Variants in GALNT13 observed in about 807,000 individuals in gnomAD.
GALNT13 encodes the protein polypeptide N-acetylgalactosaminyltransferase 13.
In GALNT13, 28 loss-of-function variants were observed where a neutral mutation model predicts 64.2. That is an observed-to-expected ratio of 0.44 (90% CI 0.32 to 0.60). The LOEUF (loss-of-function observed/expected upper bound fraction) is 0.60, where lower values mean the gene tolerates loss of function less well. Among genes scored for constraint, GALNT13 ranks in the 20% least tolerant of loss-of-function variants. GALNT13 has a pLI of 0.05. For synonymous variants in GALNT13, 214 were observed against 224.6 expected, an observed-to-expected ratio of 0.95 and a Z score of 0.42; for missense variants, 577 against 669.8, an observed-to-expected ratio of 0.86 and a Z score of 1.53.
chr2:153,232,821 A>G, the GALNT13 span, among the ~76,000 whole-genome samples: 1 of 152,204 alleles, frequency 6.6e-6, no homozygotes, highest in Non-Finnish European at 1.5e-5. Flanking sequence ...CAGTGGCTCC[A>G]GGAGACTCTT....
chr2:153,727,947 A>ATG, the GALNT13 span, among the ~76,000 whole-genome samples: 2 of 151,876 alleles, frequency 1.3e-5, no homozygotes, highest in East Asian at 3.9e-4. Flanking sequence ...CCCTGTGTCC[A>ATG]TGTGTTTGCA....
At chr2:153,282,251 T>C in the GALNT13 span, among the ~76,000 whole-genome samples, 103 of 152,326 alleles carry the variant, frequency 6.8e-4, no homozygotes, top group African/African-American at 2.0e-3. Flanking sequence ...CTTTTTAAGA[T>C]ATTTATCTCT....
the GALNT13 span, among the ~76,000 whole-genome samples, chr2:153,425,581 C>T: frequency 6.6e-6 from 1 of 151,826 alleles, no homozygotes; most frequent in Non-Finnish European, 1.5e-5. Flanking sequence ...CTATTTCCTT[C>T]CCTGCTACTC....
At chr2:153,183,330 T>C in the GALNT13 span, among the ~76,000 whole-genome samples, 17 of 152,234 alleles carry the variant, frequency 1.1e-4, no homozygotes, top group Middle Eastern at 3.4e-3. Context: ...GGGTTTTTTT[T>C]CTCATAAATT....
At chr2:153,633,422 A>G in the GALNT13 span, among the ~76,000 whole-genome samples, 6 of 152,306 alleles carry the variant, frequency 3.9e-5, no homozygotes, top group African/African-American at 1.4e-4. Flanking sequence ...TCACCATTGT[A>G]GATGATAATA....
At chr2:154,279,319 G>T (rs1418005808) in intron 8 of GALNT13, among the ~76,000 whole-genome samples, 2 of 152,088 alleles carry the variant, frequency 1.3e-5, no homozygotes, top group African/African-American at 2.4e-5. Flanking sequence ...CAAGGGCAAG[G>T]GTGAACTTCA....
At chr2:154,017,666 C>T (rs542121578) in intron 3 of GALNT13, among the ~76,000 whole-genome samples, 2 of 152,222 alleles carry the variant, frequency 1.3e-5, no homozygotes, top group African/African-American at 4.8e-5. Context: ...TAAAGTTATT[C>T]GTATCGCTCT....
chr2:153,907,378 T>C (rs1596635), intron 2 of GALNT13, among the ~76,000 whole-genome samples: 2 of 151,854 alleles, frequency 1.3e-5, no homozygotes, highest in African/African-American at 4.8e-5. Context: ...ACATACATAA[T>C]AATACATACA....
chr2:153,169,137 G>C, the GALNT13 span, among the ~76,000 whole-genome samples: 1 of 152,190 alleles, frequency 6.6e-6, no homozygotes. Flanking sequence ...CAAAGGTTCT[G>C]ATATGCACCA....
chr2:154,174,914 A>C (rs1685566787), intron 4 of GALNT13, among the ~76,000 whole-genome samples: 1 of 152,178 alleles, frequency 6.6e-6, no homozygotes. Context: ...TTGTCAACAT[A>C]ACTGTATTGC....
the GALNT13 span, among the ~76,000 whole-genome samples, chr2:153,476,786 A>G: frequency 6.6e-6 from 1 of 152,196 alleles, no homozygotes; most frequent in African/African-American, 2.4e-5. Context: ...TTTAGTAACA[A>G]TGGTTTACCC....
chr2:153,907,285 A>G (rs1274134668), intron 2 of GALNT13, among the ~76,000 whole-genome samples: 1 of 151,510 alleles, frequency 6.6e-6, no homozygotes. Context: ...TTGTGCCTAG[A>G]AGTTTAATGC....
At chr2:154,203,513 T>C (rs1687283710) in intron 4 of GALNT13, among the ~76,000 whole-genome samples, 1 of 152,136 alleles carries the variant, frequency 6.6e-6, no homozygotes, top group African/African-American at 2.4e-5. Context: ...TTTTTTTCAC[T>C]ATAAAACCTC....
the GALNT13 span, among the ~76,000 whole-genome samples, chr2:153,754,027 T>C: frequency 6.6e-6 from 1 of 152,212 alleles, no homozygotes; most frequent in Non-Finnish European, 1.5e-5. Flanking sequence ...ACCATCAATG[T>C]TTCCTTCAGG....
At chr2:153,685,347 T>C in the GALNT13 span, among the ~76,000 whole-genome samples, 5 of 152,072 alleles carry the variant, frequency 3.3e-5, no homozygotes, top group Non-Finnish European at 7.4e-5. Flanking sequence ...GACTTTTTAA[T>C]AATAACCATT....
the GALNT13 span, among the ~76,000 whole-genome samples, chr2:153,583,443 G>A: frequency 6.6e-6 from 1 of 152,170 alleles, no homozygotes; most frequent in African/African-American, 2.4e-5. Flanking sequence ...GAACATGGGA[G>A]ATCAACAGAA....
At chr2:154,422,959 A>G (rs1453332587) in intron 11 of GALNT13, among the ~76,000 whole-genome samples, 1 of 152,050 alleles carries the variant, frequency 6.6e-6, no homozygotes, top group Non-Finnish European at 1.5e-5. Context: ...CATGTGCACA[A>G]TGTGCAGGTT....
chr2:153,942,495 A>G lies in GALNT13; in HGVS notation c.-104-1899A>G, dbSNP rs116424546. ...ATATCTCAAATTTAGAAAAGAATGT[A>G]CACGGTAACAGGAAATAAATATGGG... On this transcript the variant is annotated intron_variant, in intron 2 of 12. Transcript: ENST00000392825. Among the ~76,000 whole-genome samples the G allele has an allele frequency of 5.4e-3, 819 of 152,282 alleles. 5 individuals carry two copies. The highest frequency in any genetic ancestry group is 0.018 in the African/African-American group (752 of 41,568).
At chr2:154,165,747 T>G (rs1317122558) in intron 4 of GALNT13, among the ~76,000 whole-genome samples, 1 of 152,160 alleles carries the variant, frequency 6.6e-6, no homozygotes, top group Non-Finnish European at 1.5e-5. Context: ...GGGCACTGAT[T>G]GTAGTTTTGA....
Sources: allele counts gnomAD v4.1 joint callset (sites outside exome capture counted in the v4.1 genomes callset), GRCh38; gene constraint gnomAD v4.1.1; transcripts MANE v1.5; gene names NCBI Gene and HGNC (gene_info 2026-07-23, HGNC 2026-07-21).